PFN2: variants seen among roughly 807,000 people sequenced by gnomAD.
The protein encoded by PFN2 is profilin-2.
PFN2 carries 8 observed loss-of-function variants against 15.3 expected under a neutral mutation model. The observed-to-expected ratio is 0.52, with a 90% CI of 0.31 to 0.95. The LOEUF (loss-of-function observed/expected upper bound fraction) is 0.95. Ranked by LOEUF, PFN2 falls within the 40% of genes least tolerant of loss-of-function variation. PFN2 has a pLI of 0.05. For synonymous variants in PFN2, 79 were observed against 67.9 expected, an observed-to-expected ratio of 1.16 and a Z score of -0.81; for missense variants, 111 against 182.3, an observed-to-expected ratio of 0.61 and a Z score of 2.25.
chr3:149,966,120 T>C lies in PFN2; in HGVS notation c.*369A>G, dbSNP rs1722682771. The C allele has an allele frequency of 2.5e-6, 4 of 1,594,766 alleles. No homozygotes were observed. In the East Asian group the frequency reaches 6.7e-5, roughly 27 times the overall value. ...AGTTTGGTAGCATTGTGACCATAAT[T>C]AGGGTTGTTGATGAAGACAGTTGCT... On this transcript the variant is annotated 3_prime_UTR_variant, in exon 3 of 3. Transcript: ENST00000239940.
chr3:149,969,272 G>T (rs1026796727), intron 1 of PFN2, among the ~76,000 whole-genome samples: 4 of 152,204 alleles, frequency 2.6e-5, no homozygotes, highest in African/African-American at 9.7e-5. Context: ...AGAAAAAATG[G>T]AGGGAGATTG....
intron 1 of PFN2, among the ~76,000 whole-genome samples, chr3:149,970,002 T>G (rs1190052977): frequency 6.6e-6 from 1 of 150,392 alleles, no homozygotes; most frequent in Non-Finnish European, 1.5e-5. Flanking sequence ...TCGATGAATC[T>G]CCATATGAGA....
At chr3:149,967,460 G>A (rs1722726738) in intron 2 of PFN2, among the ~76,000 whole-genome samples, 1 of 152,138 alleles carries the variant, frequency 6.6e-6, no homozygotes, top group South Asian at 2.1e-4. Flanking sequence ...TAACTTTTAG[G>A]ATAATCACAG....
At position 149,965,111 on chromosome 3, in the gene PFN2, A is replaced by C. The variant is rs1722646109; in HGVS notation, c.*1378T>G. 1 of 771,350 alleles carries C rather than the reference A, an allele frequency of 1.3e-6. No homozygotes were observed. The allele number at this position is 771,350 out of a possible 1,614,324, so 47.8% of individuals were successfully genotyped here. A position where few individuals can be genotyped will look rare whatever the true frequency, so the allele number is the denominator to read the frequency against. ...CCCAAACAATAGAAGCAAATACTAG[A>C]ATGTCCCTAAAGTAGTGCCATTCGA... is the stretch of plus-strand genomic sequence containing the variant. On this transcript the variant is annotated 3_prime_UTR_variant, in exon 3 of 3. Coordinates refer to ENST00000239940, the MANE Select transcript of PFN2 (RefSeq NM_053024.4).
At position 149,965,931 on chromosome 3, in the gene PFN2, C is replaced by T. The variant is rs1722678154; in HGVS notation, c.*558G>A. ...CAAAGTGATGCCCAACTTGGCATGC[C>T]CCCTCCCCCCAATTTCAAGGTATCA... On this transcript the variant is annotated 3_prime_UTR_variant, in exon 3 of 3. Coordinates refer to ENST00000239940, the MANE Select transcript of PFN2 (RefSeq NM_053024.4). The T allele has an allele frequency of 6.8e-6, 9 of 1,315,684 alleles. No homozygotes were observed. The South Asian group carries it at 1.7e-4, about 25-fold the overall frequency. 81.5% of individuals were successfully genotyped at this position (1,315,684 alleles called of 1,614,324 possible). A position where few individuals can be genotyped will look rare whatever the true frequency, so the allele number is the denominator to read the frequency against.
rs537764717 is a variant in PFN2, at chr3:149,965,237, A to G, written c.*1252T>C. The G allele has an allele frequency of 3.0e-3, 4,578 of 1,533,842 alleles. 103 individuals are homozygous for G. The African/African-American group carries it at 0.053, about 18-fold the overall frequency. On this transcript the variant is annotated 3_prime_UTR_variant, in exon 3 of 3. Coordinates refer to ENST00000239940, the MANE Select transcript of PFN2 (RefSeq NM_053024.4). The stretch of plus-strand genomic sequence containing the variant: ...ATACATATGAAAAAAATTCATCACA[A>G]GACAGCCAAGTCCACAATAATGCAA...
chr3:149,968,581 CA>C (rs1330359643), intron 1 of PFN2, 31 bp from the exon 2 acceptor site: 4 of 654,640 alleles, frequency 6.1e-6, no homozygotes, highest in African/African-American at 6.7e-5. Flanking sequence ...AAAAAAAAAA[CA>C]CACACACATT....
rs747144611 is a variant in PFN2, at chr3:149,966,317, G to C, written c.*172C>G. ...AGTGAACAGAATTATTTTGGGGGGG[G>C]AGGGCAGAAAGAAAGACACCTTTCC... is the stretch of plus-strand genomic sequence containing the variant. On this transcript the variant is annotated 3_prime_UTR_variant, in exon 3 of 3. Coordinates refer to ENST00000239940, the MANE Select transcript of PFN2 (RefSeq NM_053024.4). The C allele has an allele frequency of 6.2e-6, 10 of 1,604,566 alleles. No individual in the cohort carries two copies. In the Admixed American group the frequency reaches 1.5e-4, roughly 24 times the overall value.
At position 149,966,321 on chromosome 3, in the gene PFN2, G is replaced by A. The variant is rs1243408474; in HGVS notation, c.*168C>T. On this transcript the variant is annotated 3_prime_UTR_variant, in exon 3 of 3. Coordinates refer to ENST00000239940, the MANE Select transcript of PFN2 (RefSeq NM_053024.4). Reference sequence around the variant, plus strand: ...AACAGAATTATTTTGGGGGGGGAGGGCAGAAAGAAAGACACCTTTCCCCAC... The same window carrying A: ...AACAGAATTATTTTGGGGGGGGAGGACAGAAAGAAAGACACCTTTCCCCAC... 5 of 1,603,010 alleles carry A rather than the reference G, an allele frequency of 3.1e-6. No homozygotes were observed. In the Admixed American group the frequency reaches 6.8e-5, roughly 22 times the overall value.
At chr3:149,968,780 T>C (rs1441867235) in intron 1 of PFN2, 3 of 495,824 alleles carry the variant, frequency 6.1e-6, no homozygotes, top group Non-Finnish European at 1.1e-5. Context: ...AATGATGTCG[T>C]CTCTTAACCA....
At chr3:149,967,341 T>G (rs921899838) in intron 2 of PFN2, among the ~76,000 whole-genome samples, 4 of 152,258 alleles carry the variant, frequency 2.6e-5, no homozygotes, top group Non-Finnish European at 5.9e-5. Context: ...GTTTGACGCT[T>G]CTTTTCAGCG....
In PFN2 at chr3:149,965,747, C is replaced by T; in HGVS notation, c.*742G>A. On this transcript the variant is annotated 3_prime_UTR_variant, in exon 3 of 3. Coordinates refer to ENST00000239940, the MANE Select transcript of PFN2 (RefSeq NM_053024.4). ...AAAAGAGAAGAGTGAAGGAATGATG[C>T]ATGCACTTTTTCCTCCCAACCATGC... The T allele has an allele frequency of 9.5e-7, 1 of 1,047,696 alleles. No homozygotes were observed. The highest frequency in any genetic ancestry group is 1.1e-6 in the Non-Finnish European group (1 of 869,716). The allele number at this position is 1,047,696 out of a possible 1,614,324, so 64.9% of individuals were successfully genotyped here.
At chr3:149,967,963 T>C (rs1352523030) in intron 2 of PFN2, among the ~76,000 whole-genome samples, 1 of 151,960 alleles carries the variant, frequency 6.6e-6, no homozygotes, top group Non-Finnish European at 1.5e-5. Flanking sequence ...ATGGTTAGAA[T>C]ACAAGCAAGA....
chr3:149,970,601 G>A, intron 1 of PFN2, 124 bp downstream of exon 1: 2 of 992,568 alleles, frequency 2.0e-6, no homozygotes, highest in African/African-American at 3.4e-5. Context: ...CATCCTCGGC[G>A]CCCGCTGCCT....
rs187072620 is a variant in PFN2, at chr3:149,966,362, A to G, written c.*127T>C. On this transcript the variant is annotated 3_prime_UTR_variant, in exon 3 of 3. Transcript: ENST00000239940. The stretch of plus-strand genomic sequence containing the variant: ...CTTTCCCCACCAACAGAGGGATACA[A>G]AGGAGACACAGGTTCATACCCCATC... 1.0e-5 allele frequency: 16 copies of G among 1,590,084 alleles called. No homozygotes were observed. The highest frequency in any genetic ancestry group is 1.4e-5 in the Non-Finnish European group (16 of 1,169,670).
chr3:149,968,663 C>T (rs893147262), intron 1 of PFN2, 113 bp from the exon 2 acceptor site: 16 of 769,910 alleles, frequency 2.1e-5, no homozygotes, highest in Non-Finnish European at 3.2e-5. Context: ...GCTACCACTG[C>T]CAGATAGCCA....
In PFN2 at chr3:149,965,441, T is replaced by C; in HGVS notation, c.*1048A>G. 1 of 1,442,882 alleles carries C rather than the reference T, an allele frequency of 6.9e-7. No individual in the cohort carries two copies. The highest frequency in any genetic ancestry group is 9.0e-7 in the Non-Finnish European group (1 of 1,106,058). The allele number at this position is 1,442,882 out of a possible 1,614,324, so 89.4% of individuals were successfully genotyped here. Reference sequence around the variant, plus strand: ...AGAAAAATCTGAGCTATTGCAATGATGGAATGTCCCTGGGGATTCAATCAG... The same window carrying C: ...AGAAAAATCTGAGCTATTGCAATGACGGAATGTCCCTGGGGATTCAATCAG... On this transcript the variant is annotated 3_prime_UTR_variant, in exon 3 of 3. Coordinates refer to ENST00000239940, the MANE Select transcript of PFN2 (RefSeq NM_053024.4).
chr3:149,968,480 G>C lies in PFN2; in HGVS notation c.203C>G (p.Ala68Gly), dbSNP rs757043584. 13 of 1,613,110 alleles carry C rather than the reference G, an allele frequency of 8.1e-6. No individual in the cohort carries two copies. Among genetic ancestry groups the C allele is most frequent in the Non-Finnish European group, 1.1e-5 (13 of 1,179,832 alleles). Reference sequence around the variant, plus strand: ...ATCTCTGATCACTGAGCATTTCTTCGCGCCAAGAGTCAAACCGTTGGTAAA... The same window carrying C: ...ATCTCTGATCACTGAGCATTTCTTCCCGCCAAGAGTCAAACCGTTGGTAAA... ...GFFTNGLTLG[A>G]KKCSVIRDSL... Residue 68 changes from alanine (A) to glycine (G), a missense_variant, in exon 2 of 3, where the codon GCG (alanine) becomes GGG (glycine). Ala to Gly is a moderately conservative substitution (Grantham distance 60). Transcript: ENST00000239940.
At chr3:149,970,693 G>A (rs1247412141) in intron 1 of PFN2, 32 bp downstream of exon 1, 5 of 1,483,600 alleles carry the variant, frequency 3.4e-6, no homozygotes, top group East Asian at 2.9e-5. Context: ...TCCGGTGCAG[G>A]GACCAGGGTA....
Sources: allele counts gnomAD v4.1 joint callset (sites outside exome capture counted in the v4.1 genomes callset), GRCh38; gene constraint gnomAD v4.1.1; transcripts MANE v1.5; gene names NCBI Gene and HGNC (gene_info 2026-07-23, HGNC 2026-07-21).